The following NLRC5 variants were observed in gnomAD, a reference collection of about 807,000 sequenced individuals.
NLRC5 encodes NLR family CARD domain containing 5, also known as protein NLRC5.
NLRC5 carries 114 observed loss-of-function variants against 206.9 expected under a neutral mutation model. That is an observed-to-expected ratio of 0.55 (90% CI 0.47 to 0.64). NLRC5 has a LOEUF of 0.64. Among genes scored for constraint, NLRC5 ranks in the 30% least tolerant of loss-of-function variants. The pLI is 0.00. For missense variants in NLRC5, 2,008 were observed against 2,305.5 expected, an observed-to-expected ratio of 0.87 and a Z score of 2.64; for synonymous variants, 952 against 962.8, an observed-to-expected ratio of 0.99 and a Z score of 0.21.
At chr16:57,059,202 T>G in intron 29 of NLRC5, 141 bp downstream of exon 29, 1 of 1,544,984 alleles carries the variant, frequency 6.5e-7, no homozygotes, top group Non-Finnish European at 8.7e-7. Flanking sequence ...TCTCTGAATC[T>G]CAGGGTTTCC....
intron 1 of NLRC5, among the ~76,000 whole-genome samples, chr16:57,016,638 A>G (rs1387545792): frequency 1.3e-5 from 2 of 152,200 alleles, no homozygotes; most frequent in Non-Finnish European, 2.9e-5. Flanking sequence ...AACTAACTAA[A>G]TAGGAAGAAG....
chr16:57,008,819 G>T (rs1283213859), intron 1 of NLRC5, among the ~76,000 whole-genome samples: 1 of 151,958 alleles, frequency 6.6e-6, no homozygotes, highest in African/African-American at 2.4e-5. Flanking sequence ...TCAGAGGAAA[G>T]AAATAAAAAG....
At chr16:57,061,751 C>T in intron 32 of NLRC5, 50 bp downstream of exon 32, 1 of 1,577,456 alleles carries the variant, frequency 6.3e-7, no homozygotes, top group Non-Finnish European at 8.6e-7. Context: ...TGAATGGGAG[C>T]AGGGGTGGGC....
At chr16:57,001,706 A>G (rs1322678208) in intron 1 of NLRC5, among the ~76,000 whole-genome samples, 2 of 152,182 alleles carry the variant, frequency 1.3e-5, no homozygotes, top group African/African-American at 4.8e-5. Flanking sequence ...ATCAGGGTAA[A>G]TGGGGTTTCC....
chr16:57,081,454 G>A, intron 47 of NLRC5, 73 bp from the exon 48 acceptor site: 2 of 1,425,406 alleles, frequency 1.4e-6, no homozygotes, highest in South Asian at 1.2e-5. Flanking sequence ...CTGAGGAAGG[G>A]ACCTAGGAAA....
Position 57,081,512 on chromosome 16 carries a change from C to A in NLRC5, c.5406-15C>A. 6.2e-7 allele frequency: 1 copy of A among 1,612,626 alleles called. No homozygotes were observed. The highest frequency in any genetic ancestry group is 8.5e-7 in the Non-Finnish European group (1 of 1,178,672). On this transcript the variant is annotated splice_polypyrimidine_tract_variant and intron_variant, in intron 47 of 48. Transcript: ENST00000688547. ...CGTGTTTCTCTTTCCCCTCCCCTCA[C>A]TGTCCACTGAGAAGCCTGGAGAAGA...
chr16:57,065,615 G>T (rs1430938744), intron 33 of NLRC5, among the ~76,000 whole-genome samples: 2 of 152,136 alleles, frequency 1.3e-5, no homozygotes, highest in African/African-American at 4.8e-5. Flanking sequence ...ACACATTATG[G>T]CTCTTCAACC....
intron 38 of NLRC5, among the ~76,000 whole-genome samples, chr16:57,073,916 A>T (rs940535344): frequency 1.6e-4 from 24 of 151,986 alleles, no homozygotes; most frequent in African/African-American, 5.6e-4. Flanking sequence ...TAATGTGTGA[A>T]CTCGTGCCAG....
Position 57,030,025 on chromosome 16 carries a change from C to A in NLRC5, c.2358C>A (p.Thr786=), listed in dbSNP as rs2061629920. The A allele has an allele frequency of 6.2e-7, 1 of 1,614,048 alleles. No homozygotes were observed. Among genetic ancestry groups the A allele is most frequent in the African/African-American group, 1.3e-5 (1 of 74,910 alleles). ...DLSSNSICVS[T]LLCLARVAVT... ...GCAGCAACAGCATCTGCGTGTCAAC[C>A]CTACTCTGCTTGGCAAGGGTGGCAG... The change falls in exon 10 of 49, where the codon ACC becomes ACA. Residue 786 remains threonine (T), a synonymous_variant. Transcript: ENST00000688547.
rs199475966 is a variant in NLRC5, at chr16:57,022,227, A to C, written c.296-29A>C. ...CCCCAGCATCCCTCGACAGCCCCAT[A>C]CCACATTATACTCTCCCCTCTCTTG... On this transcript the variant is annotated intron_variant, in intron 3 of 48. Coordinates refer to ENST00000688547, the MANE Select transcript of NLRC5 (RefSeq NM_001384950.1). 1.3e-6 allele frequency: 2 copies of C among 1,590,666 alleles called. No homozygotes were observed. The highest frequency in any genetic ancestry group is 2.7e-5 in the African/African-American group (2 of 74,586).
At chr16:57,042,106 G>T (rs919377) in intron 19 of NLRC5, 41 bp downstream of exon 19, 38,847 of 1,320,426 alleles carry the variant, frequency 0.029, 675 homozygotes, top group African/African-American at 0.073. Context: ...GCTGGGGCAG[G>T]GGGGGAGCAT....
intron 1 of NLRC5, chr16:56,991,889 C>G (rs1268558543): frequency 6.6e-6 from 1 of 152,114 alleles, no homozygotes; most frequent in Non-Finnish European, 1.5e-5. Flanking sequence ...CTCGGCGCCT[C>G]CTAACGTGAC....
At chr16:57,006,941 A>G (rs1364224183) in intron 1 of NLRC5, among the ~76,000 whole-genome samples, 2 of 144,740 alleles carry the variant, frequency 1.4e-5, no homozygotes, top group Non-Finnish European at 1.5e-5. Context: ...GGGAAGTTTC[A>G]TTTTTTTGTG....
At chr16:57,046,517 T>G in intron 21 of NLRC5, 35 bp from the exon 22 acceptor site, 1 of 1,584,714 alleles carries the variant, frequency 6.3e-7, no homozygotes, top group Non-Finnish European at 8.7e-7. Flanking sequence ...GAGGGGGTGA[T>G]CTGAACTTTC....
chr16:57,064,569 A>G (rs1247872898), intron 32 of NLRC5, among the ~76,000 whole-genome samples: 4 of 152,160 alleles, frequency 2.6e-5, no homozygotes, highest in African/African-American at 9.7e-5. Context: ...ATCATGTTTT[A>G]TATACAGTTT....
intron 1 of NLRC5, among the ~76,000 whole-genome samples, chr16:56,997,908 T>G (rs1245178583): frequency 6.6e-6 from 1 of 152,158 alleles, no homozygotes; most frequent in East Asian, 1.9e-4. Flanking sequence ...AGCTCCACAA[T>G]TCCCTGTGAG....
At chr16:57,047,791 C>T in intron 23 of NLRC5, 163 bp downstream of exon 23, 1 of 643,718 alleles carries the variant, frequency 1.6e-6, no homozygotes, top group Non-Finnish European at 2.8e-6. Context: ...TTGGCTGTCT[C>T]TCGGCAGCCC....
intron 34 of NLRC5, 143 bp downstream of exon 34, chr16:57,066,757 A>G: frequency 1.4e-6 from 1 of 699,272 alleles, no homozygotes; most frequent in Non-Finnish European, 2.5e-6. Context: ...TGACCAACCC[A>G]CTTCTGAGGC....
Position 57,065,212 on chromosome 16 carries a change from G to A in NLRC5, c.4155G>A (p.Arg1385=), listed in dbSNP as rs1163071253. ...VGRPAGLFSL[R]VQEPWADRAR... The stretch of plus-strand genomic sequence containing the variant: ...TTATCTGTGTCCCCTTCTGTGACAG[G>A]GTGCAGGAGCCGTGGGCGGACAGAG... Residue 1385 remains arginine, a splice_region_variant and synonymous_variant, in exon 33 of 49, where the codon AGG becomes AGA. Transcript: ENST00000688547. 2 of 1,524,440 alleles carry A rather than the reference G, an allele frequency of 1.3e-6. No individual in the cohort carries two copies. The highest frequency in any genetic ancestry group is 1.9e-5 in the Admixed American group (1 of 52,198). The allele number at this position is 1,524,440 out of a possible 1,614,324, so 94.4% of individuals were successfully genotyped here.
Sources: allele counts gnomAD v4.1 joint callset (sites outside exome capture counted in the v4.1 genomes callset), GRCh38; gene constraint gnomAD v4.1.1; transcripts MANE v1.5; gene names NCBI Gene and HGNC (gene_info 2026-07-23, HGNC 2026-07-21).